EEIG2: variants seen among roughly 807,000 people sequenced by gnomAD.
EEIG2 encodes the protein EEIG family member 2, also known as family with sequence similarity 102 member B.
the EEIG2 span, among the ~76,000 whole-genome samples, chr1:108,575,965 A>G: frequency 6.6e-6 from 1 of 152,152 alleles, no homozygotes. Context: ...GAATGATATG[A>G]TATGTGAATT....
chr1:108,596,145 C>T, the EEIG2 span, among the ~76,000 whole-genome samples: 2 of 148,734 alleles, frequency 1.3e-5, no homozygotes, highest in Non-Finnish European at 3.0e-5. Context: ...ATCCAATTTT[C>T]ATGTTAGACA....
the EEIG2 span, chr1:108,628,057 A>T: frequency 1.2e-6 from 1 of 867,068 alleles, no homozygotes; most frequent in Non-Finnish European, 1.9e-6. Flanking sequence ...TTTGTAACTT[A>T]TTGTTTTGAT....
At chr1:108,576,128 C>A in the EEIG2 span, among the ~76,000 whole-genome samples, 7 of 152,174 alleles carry the variant, frequency 4.6e-5, no homozygotes, top group Admixed American at 4.6e-4. Flanking sequence ...ACCACAGGCA[C>A]ACACCACTGT....
chr1:108,591,755 T>C, the EEIG2 span, among the ~76,000 whole-genome samples: 1 of 152,220 alleles, frequency 6.6e-6, no homozygotes, highest in Non-Finnish European at 1.5e-5. Context: ...GACACCGAGT[T>C]GCAGAGAGAT....
the EEIG2 span, among the ~76,000 whole-genome samples, chr1:108,610,308 G>T: frequency 6.6e-6 from 1 of 152,136 alleles, no homozygotes; most frequent in African/African-American, 2.4e-5. Flanking sequence ...AGAGTGGTTG[G>T]CCTCAGACAG....
chr1:108,639,102 A>C, the EEIG2 span: 1 of 152,176 alleles, frequency 6.6e-6, no homozygotes, highest in South Asian at 2.1e-4. Flanking sequence ...TAACCATGCA[A>C]ATGTTTATGA....
At chr1:108,625,839 G>A in the EEIG2 span, 5 of 150,920 alleles carry the variant, frequency 3.3e-5, no homozygotes, top group African/African-American at 4.9e-5. Context: ...GAGAGAGAGA[G>A]AGAAAGATCA....
chr1:108,562,162 C>G, the EEIG2 span, among the ~76,000 whole-genome samples: 2 of 152,242 alleles, frequency 1.3e-5, no homozygotes, highest in Admixed American at 1.3e-4. Flanking sequence ...AACTAACTTT[C>G]CTAAGGTCCC....
the EEIG2 span, chr1:108,629,784 A>G: frequency 1.4e-6 from 1 of 718,630 alleles, no homozygotes; most frequent in Non-Finnish European, 2.5e-6. Flanking sequence ...TAGTAGTTAC[A>G]TGCGAAGAGT....
At chr1:108,593,320 C>T in the EEIG2 span, among the ~76,000 whole-genome samples, 6 of 152,174 alleles carry the variant, frequency 3.9e-5, no homozygotes, top group Non-Finnish European at 8.8e-5. Flanking sequence ...AGAATCTAAT[C>T]ATCATCATGA....
At chr1:108,625,182 C>T in the EEIG2 span, 1 of 156,228 alleles carries the variant, frequency 6.4e-6, no homozygotes, top group East Asian at 1.8e-4. Flanking sequence ...GCGGCAGCAG[C>T]CAGAGTGTTC....
At chr1:108,628,327 G>A in the EEIG2 span, 3 of 1,611,014 alleles carry the variant, frequency 1.9e-6, no homozygotes, top group Non-Finnish European at 2.5e-6. Context: ...GCTGTGGTGT[G>A]GGGGAACGAT....
chr1:108,579,840 C>T, the EEIG2 span, among the ~76,000 whole-genome samples: 1 of 147,564 alleles, frequency 6.8e-6, no homozygotes, highest in Non-Finnish European at 1.5e-5. Context: ...TGCGATGATG[C>T]ATTCTTGGTT....
At chr1:108,630,069 C>G in the EEIG2 span, among the ~76,000 whole-genome samples, 3 of 152,172 alleles carry the variant, frequency 2.0e-5, no homozygotes, top group African/African-American at 7.2e-5. Context: ...GCCTCAAACT[C>G]CTGAGCTCAA....
the EEIG2 span, chr1:108,635,207 T>G: frequency 6.3e-7 from 1 of 1,596,254 alleles, no homozygotes; most frequent in Non-Finnish European, 8.6e-7. Flanking sequence ...AGTTGATGTA[T>G]CAAGGCATTT....
chr1:108,627,233 T>C, the EEIG2 span: 1 of 152,362 alleles, frequency 6.6e-6, no homozygotes, highest in East Asian at 1.9e-4. Flanking sequence ...TGTTTGCTTT[T>C]GGACCACTTA....
chr1:108,631,943 A>C, the EEIG2 span, among the ~76,000 whole-genome samples: 1 of 151,844 alleles, frequency 6.6e-6, no homozygotes, highest in Admixed American at 6.6e-5. Context: ...GCAAACTCCC[A>C]TCTGTACTAA....
At chr1:108,619,732 A>T in the EEIG2 span, among the ~76,000 whole-genome samples, 3 of 152,280 alleles carry the variant, frequency 2.0e-5, no homozygotes, top group Admixed American at 6.5e-5. Context: ...ACCAAAAAAT[A>T]AATTAAAAAA....
the EEIG2 span, among the ~76,000 whole-genome samples, chr1:108,573,199 G>A: frequency 3.9e-5 from 6 of 152,164 alleles, no homozygotes; most frequent in Admixed American, 3.9e-4. Flanking sequence ...GGCAATGAGG[G>A]CAATTATTAG....
Sources: allele counts gnomAD v4.1 joint callset (sites outside exome capture counted in the v4.1 genomes callset), GRCh38; gene constraint gnomAD v4.1.1; transcripts MANE v1.5; gene names NCBI Gene and HGNC (gene_info 2026-07-23, HGNC 2026-07-21).